The following ERCC6 variants were observed in gnomAD, a reference collection of about 807,000 sequenced individuals.
The protein encoded by ERCC6 is DNA excision repair protein ERCC-6.
In ERCC6, 116 loss-of-function variants were observed where a neutral mutation model predicts 158.7. The observed-to-expected ratio is 0.73, with a 90% confidence interval of 0.63 to 0.85. The LOEUF (loss-of-function observed/expected upper bound fraction) is 0.85. Among genes scored for constraint, ERCC6 ranks in the 40% least tolerant of loss-of-function variants. The pLI is 0.00. For missense variants in ERCC6, 1,698 were observed against 1,799.4 expected (o/e 0.94, Z 1.02); for synonymous variants, 678 against 659.3 (o/e 1.03, Z -0.43).
At chr10:49,512,692 T>C (rs1170971127) in intron 5 of ERCC6, among the ~76,000 whole-genome samples, 2 of 152,262 alleles carry the variant, frequency 1.3e-5, no homozygotes, top group African/African-American at 4.8e-5. Flanking sequence ...CAATGAGATA[T>C]GTTGGGATGG....
chr10:49,472,791 A>G (rs1164146607), intron 15 of ERCC6, 118 bp downstream of exon 15: 2 of 1,247,532 alleles, frequency 1.6e-6, no homozygotes, highest in East Asian at 2.5e-5. Context: ...AACAGGAGAC[A>G]ATCAAAATGT....
chr10:49,449,364 C>T (rs1276622206), downstream of ERCC6, among the ~76,000 whole-genome samples: 1 of 151,992 alleles, frequency 6.6e-6, no homozygotes, highest in Admixed American at 6.6e-5. Flanking sequence ...TTCTCCAATT[C>T]TGTAGGTTGT....
chr10:49,472,497 A>G, intron 15 of ERCC6, 27 bp from the exon 16 acceptor site: 1 of 1,602,700 alleles, frequency 6.2e-7, no homozygotes, highest in African/African-American at 1.3e-5. Context: ...GAGACCTCTC[A>G]ACGAGAATCC....
intron 1 of ERCC6, among the ~76,000 whole-genome samples, chr10:49,536,067 G>A (rs916377270): frequency 1.3e-5 from 2 of 152,212 alleles, no homozygotes; most frequent in African/African-American, 4.8e-5. Flanking sequence ...AGTGAGCTGA[G>A]ATCACACCGC....
In ERCC6 at chr10:49,483,384, G is replaced by T. The variant is rs767247987; in HGVS notation, c.1954C>A (p.Arg652=). The change falls in exon 9 of 21, where the codon CGA becomes AGA. Residue 652 remains arginine, a synonymous_variant. Coordinates refer to ENST00000355832, the MANE Select transcript of ERCC6 (RefSeq NM_000124.4). The part of the protein sequence containing the change: ...YVILDEGHKI[R]NPNAAVTLAC... Reference sequence around the variant, plus strand: ...AGGGTGACAGCAGCATTTGGATTTCGAATTTTGTGTCCTTCGTCCAAGATC... The same window carrying T: ...AGGGTGACAGCAGCATTTGGATTTCTAATTTTGTGTCCTTCGTCCAAGATC... 7 of 1,614,098 alleles carry T rather than the reference G, an allele frequency of 4.3e-6. No individual in the cohort carries two copies. The South Asian group carries it at 6.6e-5, about 15-fold the overall frequency.
In ERCC6 at chr10:49,461,448, G is replaced by A. The variant is rs747541056; in HGVS notation, c.3887C>T (p.Ala1296Val). The change falls in exon 19 of 21, where the codon GCA becomes GTA. Residue 1296 changes from alanine to valine, a missense_variant. Ala to Val is a moderately conservative substitution (Grantham distance 64, BLOSUM62 0). Transcript: ENST00000355832. ...ANRVAQDALK[A>V]LRLSRQRCLG... Reference sequence around the variant, plus strand: ...ACACCGCTGACGAGAGAGCCTCAGTGCTTTCAGGGCATCCTGGGCCACTCG... The same window carrying A: ...ACACCGCTGACGAGAGAGCCTCAGTACTTTCAGGGCATCCTGGGCCACTCG... 2 of 1,614,208 alleles carry A rather than the reference G, an allele frequency of 1.2e-6. No homozygotes were observed. Among genetic ancestry groups the A allele is most frequent in the East Asian group, 2.2e-5 (1 of 44,878 alleles).
chr10:49,472,798 A>C (rs759651537), intron 15 of ERCC6, 111 bp downstream of exon 15: 90 of 1,321,154 alleles, frequency 6.8e-5, no homozygotes, highest in Middle Eastern at 2.6e-4. Flanking sequence ...GACAATCAAA[A>C]TGTGAAACGT....
At chr10:49,486,019 T>A (rs1483155996) in intron 8 of ERCC6, among the ~76,000 whole-genome samples, 1 of 152,158 alleles carries the variant, frequency 6.6e-6, no homozygotes, top group Non-Finnish European at 1.5e-5. Flanking sequence ...AAGGGCAGGC[T>A]TAGCAATGTA....
intron 5 of ERCC6, among the ~76,000 whole-genome samples, chr10:49,512,823 C>T (rs184853495): frequency 5.5e-4 from 83 of 152,286 alleles, no homozygotes; most frequent in African/African-American, 1.8e-3. Context: ...TTGACTGAGA[C>T]CCAACATATG....
At chr10:49,510,345 C>T (rs1199816976) in intron 5 of ERCC6, among the ~76,000 whole-genome samples, 1 of 152,194 alleles carries the variant, frequency 6.6e-6, no homozygotes, top group Non-Finnish European at 1.5e-5. Context: ...TACCACCGTG[C>T]CATACCATGT....
Position 49,467,888 on chromosome 10 carries a change from CA to C in ERCC6, c.3778+2293del, listed in dbSNP as rs2132534234. Among the ~76,000 whole-genome samples the C allele has an allele frequency of 1.3e-5, 2 of 152,174 alleles. 1 individual carries two copies. Among genetic ancestry groups the C allele is most frequent in the South Asian group, 4.2e-4 (2 of 4,808 alleles). On this transcript the variant is annotated intron_variant, in intron 18 of 20. Coordinates refer to ENST00000355832, the MANE Select transcript of ERCC6 (RefSeq NM_000124.4). ...CAGCCAGTAATTTTTTATTGGGTTC[CA>C]GACATTGTGAATTTCATCTTGTTGG...
At chr10:49,481,707 G>A (rs4253168) in intron 10 of ERCC6, among the ~76,000 whole-genome samples, 1,839 of 152,228 alleles carry the variant, frequency 0.012, 20 homozygotes, top group Non-Finnish European at 0.022. Context: ...TCAGGCACCC[G>A]GGCCTGAAAC....
intron 2 of ERCC6, among the ~76,000 whole-genome samples, chr10:49,531,765 C>T (rs1476387954): frequency 6.6e-6 from 1 of 152,210 alleles, no homozygotes; most frequent in Non-Finnish European, 1.5e-5. Context: ...CAGCGCCACA[C>T]TCCACCCTCC....
the ERCC6 span, among the ~76,000 whole-genome samples, chr10:49,439,835 G>A: frequency 1.1e-4 from 16 of 152,094 alleles, no homozygotes; most frequent in Non-Finnish European, 2.2e-4. Flanking sequence ...ACATCTCTAG[G>A]GCAGGGGCAA....
chr10:49,537,502 TACAC>T (rs1157343253), intron 1 of ERCC6, among the ~76,000 whole-genome samples: 29 of 128,904 alleles, frequency 2.2e-4, no homozygotes, highest in African/African-American at 5.5e-4. Context: ...TATATATATA[TACAC>T]ATACACACAC....
chr10:49,516,470 A>T (rs560543257), intron 5 of ERCC6: 2 of 1,614,224 alleles, frequency 1.2e-6, no homozygotes, highest in African/African-American at 2.7e-5. Context: ...GTCTCATGGC[A>T]GCACTAACCA....
intron 10 of ERCC6, among the ~76,000 whole-genome samples, chr10:49,479,348 C>T (rs990632382): frequency 6.6e-6 from 1 of 151,956 alleles, no homozygotes; most frequent in African/African-American, 2.4e-5. Context: ...AAAAAATTAA[C>T]TTGTTAAAAA....
intron 5 of ERCC6, among the ~76,000 whole-genome samples, chr10:49,519,920 G>A (rs939171516): frequency 1.3e-5 from 2 of 152,028 alleles, no homozygotes; most frequent in Non-Finnish European, 1.5e-5. Context: ...GACTCCCCAC[G>A]CTGAGCCCAG....
Position 49,460,445 on chromosome 10 carries a change from T to C in ERCC6, c.3990A>G (p.Arg1330=). The C allele has an allele frequency of 6.2e-7, 1 of 1,610,634 alleles. No individual in the cohort carries two copies. Among genetic ancestry groups the C allele is most frequent in the Non-Finnish European group, 8.5e-7 (1 of 1,176,878 alleles). The change falls in exon 20 of 21, where the codon AGA becomes AGG. Residue 1330 remains arginine, a synonymous_variant. Transcript: ENST00000355832. ...ISGAPAGKKS[R]FGKKRNSNFS... is the part of the protein sequence containing the mutation. Reference sequence around the variant, plus strand: ...AGTTAGAATTCCTTTTCTTACCAAATCTACTCCTAAAAAAGGAAAAGCATC... The same window carrying C: ...AGTTAGAATTCCTTTTCTTACCAAACCTACTCCTAAAAAAGGAAAAGCATC...
Sources: gnomAD v4.1 joint callset for allele counts (sites outside exome capture counted in the v4.1 genomes callset) on GRCh38, gnomAD v4.1.1 for gene constraint, MANE v1.5 for transcripts, NCBI Gene and HGNC (gene_info 2026-07-23, HGNC 2026-07-21) for gene names.